Variants in IRF2 observed in about 807,000 individuals in gnomAD.
The protein encoded by IRF2 is interferon regulatory factor 2.
IRF2 carries 15 observed loss-of-function variants against 40.6 expected under a neutral mutation model. The observed-to-expected ratio is 0.37, with a 90% confidence interval of 0.25 to 0.57. The LOEUF is 0.57. IRF2 is among the 20% of genes least tolerant of loss of function. The probability of loss-of-function intolerance (pLI) is 0.77; values close to 1 mark genes in which losing one functional copy is unlikely to be tolerated. For missense variants in IRF2, 317 were observed against 455.7 expected, an observed-to-expected ratio of 0.70 and a Z score of 2.77; for synonymous variants, 151 against 165.5, an observed-to-expected ratio of 0.91 and a Z score of 0.67.
intron 1 of IRF2, among the ~76,000 whole-genome samples, chr4:184,451,069 T>C (rs2149912972): frequency 6.6e-6 from 1 of 152,340 alleles, no homozygotes; most frequent in Non-Finnish European, 1.5e-5. Flanking sequence ...TTGAATCAAA[T>C]GGCAAATATT....
intron 1 of IRF2, among the ~76,000 whole-genome samples, chr4:184,432,725 G>C (rs1044187841): frequency 1.3e-5 from 2 of 152,202 alleles, no homozygotes. Flanking sequence ...AGAATGCCGC[G>C]TGAAGACACA....
chr4:184,398,845 TG>T, intron 7 of IRF2, 69 bp downstream of exon 7: 2 of 1,419,366 alleles, frequency 1.4e-6, no homozygotes. Context: ...GGTGGTGAGA[TG>T]GGTGACCCTA....
intron 1 of IRF2, among the ~76,000 whole-genome samples, chr4:184,433,718 TA>T: frequency 6.6e-6 from 1 of 152,354 alleles, no homozygotes; most frequent in Middle Eastern, 3.4e-3. Flanking sequence ...AATGAAAAGC[TA>T]ACCCAGTCAC....
chr4:184,439,634 A>T (rs1468867433), intron 1 of IRF2, among the ~76,000 whole-genome samples: 1 of 152,230 alleles, frequency 6.6e-6, no homozygotes, highest in East Asian at 1.9e-4. Context: ...CTAGTTTTCC[A>T]GGCTGAAAAT....
Position 184,418,212 on chromosome 4 carries a change from T to C in IRF2, c.366A>G (p.Gly122=). The change falls in exon 5 of 9, where the codon GGA becomes GGG. Residue 122 remains glycine (G), a splice_region_variant and synonymous_variant. Transcript: ENST00000393593. ...LPLSERPSKK[G]KKPKTEKEDK... ...CTTCTTTTTCTGTCTTTGGTTTCTTTCCTGTGGCAACAAAAATGTAGTTTT... is the reference window on the plus strand; with the variant it reads ...CTTCTTTTTCTGTCTTTGGTTTCTTCCCTGTGGCAACAAAAATGTAGTTTT... 6.2e-7 allele frequency: 1 copy of C among 1,612,802 alleles called. No individual in the cohort carries two copies. Among genetic ancestry groups the C allele is most frequent in the South Asian group, 1.1e-5 (1 of 91,046 alleles).
intron 5 of IRF2, among the ~76,000 whole-genome samples, chr4:184,410,779 T>A (rs1450065060): frequency 6.6e-6 from 1 of 152,240 alleles, no homozygotes; most frequent in Non-Finnish European, 1.5e-5. Flanking sequence ...TAATTCTGAT[T>A]TCTCCATTGA....
At chr4:184,407,603 T>C (rs182212868) in intron 6 of IRF2, among the ~76,000 whole-genome samples, 251 of 152,346 alleles carry the variant, frequency 1.6e-3, no homozygotes, top group African/African-American at 5.7e-3. Context: ...TGCAGTTATC[T>C]GGGGGTGTCT....
At chr4:184,473,398 G>A (rs927453772) in intron 1 of IRF2, among the ~76,000 whole-genome samples, 5 of 147,076 alleles carry the variant, frequency 3.4e-5, no homozygotes, top group African/African-American at 9.8e-5. Flanking sequence ...CGCCTGCGGG[G>A]ACCCGGGGGC....
chr4:184,444,897 A>G (rs927142706), intron 1 of IRF2, among the ~76,000 whole-genome samples: 8 of 152,266 alleles, frequency 5.3e-5, no homozygotes, highest in African/African-American at 1.9e-4. Context: ...ACTGTCTAGA[A>G]TATTTAATTT....
intron 4 of IRF2, 104 bp downstream of exon 4, chr4:184,418,428 G>T: frequency 1.8e-6 from 2 of 1,135,312 alleles, no homozygotes; most frequent in Non-Finnish European, 1.3e-6. Context: ...AGCATGAACA[G>T]GCTATTCTAC....
At chr4:184,400,957 T>C (rs889622064) in intron 6 of IRF2, among the ~76,000 whole-genome samples, 41 of 152,256 alleles carry the variant, frequency 2.7e-4, no homozygotes, top group African/African-American at 9.9e-4. Flanking sequence ...GTTTTACTCA[T>C]ACCTGTATCT....
At chr4:184,391,607 C>T (rs1736265089) in intron 7 of IRF2, among the ~76,000 whole-genome samples, 1 of 152,230 alleles carries the variant, frequency 6.6e-6, no homozygotes, top group South Asian at 2.1e-4. Context: ...GACCCTTCCC[C>T]AGTTGAGCCT....
intron 1 of IRF2, among the ~76,000 whole-genome samples, chr4:184,435,310 C>T (rs1738037213): frequency 6.6e-6 from 1 of 152,254 alleles, no homozygotes; most frequent in East Asian, 1.9e-4. Context: ...AACTCCTCTC[C>T]GTCTTGCAAA....
intron 1 of IRF2, 116 bp from the exon 2 acceptor site, chr4:184,429,186 C>A: frequency 2.9e-6 from 2 of 684,740 alleles, no homozygotes. Flanking sequence ...GGCTGGGGAC[C>A]AGGGGGCTGG....
intron 1 of IRF2, among the ~76,000 whole-genome samples, chr4:184,446,975 T>C (rs1738535064): frequency 6.6e-6 from 1 of 151,996 alleles, no homozygotes; most frequent in Non-Finnish European, 1.5e-5. Flanking sequence ...AAAAAAAGCA[T>C]GCATATGTGT....
chr4:184,415,819 T>A (rs569657558), intron 5 of IRF2, among the ~76,000 whole-genome samples: 12 of 152,348 alleles, frequency 7.9e-5, no homozygotes, highest in African/African-American at 2.9e-4. Context: ...TATTTATACA[T>A]CTATTTAGTC....
intron 1 of IRF2, among the ~76,000 whole-genome samples, chr4:184,450,112 A>T (rs1203822753): frequency 2.0e-5 from 3 of 152,234 alleles, no homozygotes; most frequent in African/African-American, 7.2e-5. Context: ...ACAAGGAACA[A>T]AACACCCCGG....
intron 1 of IRF2, among the ~76,000 whole-genome samples, chr4:184,463,145 T>C (rs1182398516): frequency 6.6e-6 from 1 of 152,262 alleles, no homozygotes; most frequent in East Asian, 1.9e-4. Context: ...GCTGCTTCTA[T>C]AGAAATTCAG....
At chr4:184,455,049 G>A (rs1738862459) in intron 1 of IRF2, among the ~76,000 whole-genome samples, 1 of 152,064 alleles carries the variant, frequency 6.6e-6, no homozygotes, top group African/African-American at 2.4e-5. Context: ...CACATTCTTG[G>A]CCAGATTAAT....
Sources: allele counts gnomAD v4.1 joint callset (sites outside exome capture counted in the v4.1 genomes callset), GRCh38; gene constraint gnomAD v4.1.1; transcripts MANE v1.5; gene names NCBI Gene and HGNC (gene_info 2026-07-23, HGNC 2026-07-21).